Variants in SND1 observed in about 807,000 individuals in gnomAD.
SND1 encodes the protein staphylococcal nuclease domain-containing protein 1.
Under a neutral mutation model 121.7 loss-of-function variants are expected in SND1, and 38 were observed. That is an observed-to-expected ratio of 0.31 (90% confidence interval 0.24 to 0.41). The LOEUF (loss-of-function observed/expected upper bound fraction) is 0.41. Among genes scored for constraint, SND1 ranks in the 10% least tolerant of loss-of-function variants. The probability of loss-of-function intolerance (pLI) is 1.00; values close to 1 mark genes in which losing one functional copy is unlikely to be tolerated. For missense variants in SND1, 868 were observed against 1,184.6 expected (o/e 0.73, Z 3.92); for synonymous variants, 401 against 447.4 (o/e 0.90, Z 1.31).
chr7:127,942,467 C>G (rs374567177), intron 15 of SND1, among the ~76,000 whole-genome samples: 2 of 152,154 alleles, frequency 1.3e-5, no homozygotes, highest in Admixed American at 1.3e-4. Context: ...GATCATGGAT[C>G]TGTGACTGAA....
chr7:128,088,446 C>CTTTTT (rs1047161140), intron 21 of SND1, among the ~76,000 whole-genome samples: 12 of 80,156 alleles, frequency 1.5e-4, no homozygotes, highest in East Asian at 6.9e-4. Flanking sequence ...CCCTATCTCT[C>CTTTTT]TTTTTTTTTT....
intron 2 of SND1, among the ~76,000 whole-genome samples, chr7:127,693,236 C>A (rs2116321763): frequency 6.6e-6 from 1 of 152,026 alleles, no homozygotes; most frequent in East Asian, 1.9e-4. Flanking sequence ...TCATCAGACT[C>A]TTTGGTGACT....
At chr7:128,056,259 A>G (rs1793140011) in intron 16 of SND1, among the ~76,000 whole-genome samples, 1 of 152,156 alleles carries the variant, frequency 6.6e-6, no homozygotes, top group African/African-American at 2.4e-5. Flanking sequence ...AGCATTTATG[A>G]TCTATCCCCT....
At chr7:127,977,653 T>G (rs1802153481) in intron 15 of SND1, among the ~76,000 whole-genome samples, 1 of 152,150 alleles carries the variant, frequency 6.6e-6, no homozygotes, top group Non-Finnish European at 1.5e-5. Context: ...AATAGTAGAT[T>G]AAGCTGGTAG....
chr7:127,796,155 C>T (rs1563016424), intron 10 of SND1, among the ~76,000 whole-genome samples: 2 of 151,872 alleles, frequency 1.3e-5, no homozygotes, highest in African/African-American at 4.8e-5. Context: ...GATTAATGGA[C>T]TTATCTAGTA....
intron 16 of SND1, among the ~76,000 whole-genome samples, chr7:128,048,473 C>T (rs1792991321): frequency 6.6e-6 from 1 of 152,160 alleles, no homozygotes. Flanking sequence ...TCAATTTAGT[C>T]ACTTTTCTTA....
chr7:127,866,138 A>G (rs1799470645), intron 12 of SND1, among the ~76,000 whole-genome samples: 1 of 152,102 alleles, frequency 6.6e-6, no homozygotes, highest in African/African-American at 2.4e-5. Flanking sequence ...CTGTCAGATG[A>G]TTCTATTCCT....
chr7:127,818,102 T>C (rs988031803), intron 11 of SND1, among the ~76,000 whole-genome samples: 2 of 152,194 alleles, frequency 1.3e-5, no homozygotes, highest in African/African-American at 4.8e-5. Flanking sequence ...TTCCTCATAC[T>C]GTTATATAAT....
Position 127,700,698 on chromosome 7 carries a change from A to G in SND1, c.429-465A>G, listed in dbSNP as rs893517391. Among the ~76,000 whole-genome samples, 4 of 152,218 alleles carry G rather than the reference A, an allele frequency of 2.6e-5. No individual in the cohort carries two copies. The East Asian group carries it at 7.7e-4, about 29-fold the overall frequency. On this transcript the variant is annotated intron_variant, in intron 4 of 23. Transcript: ENST00000354725. The stretch of plus-strand genomic sequence containing the variant: ...GTGTAAGTAGTTGGGGGGTAACATT[A>G]TCTGTGATAGCAGTGTTCATTCCAC...
chr7:127,924,484 A>G (rs1046740424), intron 14 of SND1, among the ~76,000 whole-genome samples: 4 of 152,080 alleles, frequency 2.6e-5, no homozygotes, highest in Admixed American at 2.6e-4. Flanking sequence ...TTCTAGTTTC[A>G]TGCCTACTAT....
chr7:127,746,698 A>G (rs1401295154), intron 10 of SND1, among the ~76,000 whole-genome samples: 2 of 152,116 alleles, frequency 1.3e-5, no homozygotes. Context: ...CTTCCTATGA[A>G]CATTCATCTT....
intron 11 of SND1, among the ~76,000 whole-genome samples, chr7:127,836,209 G>T (rs1798866327): frequency 6.6e-6 from 1 of 152,132 alleles, no homozygotes; most frequent in Admixed American, 6.5e-5. Context: ...GTTGGGATAG[G>T]AGACTCATTT....
intron 15 of SND1, among the ~76,000 whole-genome samples, chr7:127,984,731 C>A: frequency 6.6e-6 from 1 of 152,152 alleles, no homozygotes; most frequent in East Asian, 1.9e-4. Context: ...AGTACCAGAT[C>A]CTCACAGATT....
At chr7:127,732,243 T>C (rs1468711429) in intron 10 of SND1, among the ~76,000 whole-genome samples, 1 of 152,274 alleles carries the variant, frequency 6.6e-6, no homozygotes, top group Non-Finnish European at 1.5e-5. Context: ...CCTGCTACTT[T>C]AGTTGTCATC....
chr7:127,895,534 ATGAG>A (rs1800102796), intron 13 of SND1, among the ~76,000 whole-genome samples: 1 of 152,090 alleles, frequency 6.6e-6, no homozygotes, highest in Admixed American at 6.6e-5. Context: ...TGTCACGATC[ATGAG>A]GTTGCTAACT....
chr7:128,083,052 G>A (rs983641827), intron 18 of SND1, among the ~76,000 whole-genome samples: 3 of 152,290 alleles, frequency 2.0e-5, no homozygotes, highest in Middle Eastern at 3.4e-3. Context: ...GTGGCTCCAT[G>A]GTATCCATGG....
At chr7:127,654,256 G>A (rs1795173746) in intron 1 of SND1, among the ~76,000 whole-genome samples, 1 of 152,172 alleles carries the variant, frequency 6.6e-6, no homozygotes, top group African/African-American at 2.4e-5. Context: ...GTCATGTCTT[G>A]TGCTGACTAT....
chr7:128,022,633 C>G (rs1373778372), intron 16 of SND1, among the ~76,000 whole-genome samples: 1 of 152,240 alleles, frequency 6.6e-6, no homozygotes, highest in Non-Finnish European at 1.5e-5. Context: ...ATATAACACT[C>G]TTCCTCTGGA....
chr7:128,032,261 C>T (rs1268120473), intron 16 of SND1, among the ~76,000 whole-genome samples: 3 of 151,482 alleles, frequency 2.0e-5, no homozygotes, highest in Non-Finnish European at 4.4e-5. Context: ...CGCCTCCGGC[C>T]GCCCGTCTTC....
Sources: gnomAD v4.1 joint callset for allele counts (sites outside exome capture counted in the v4.1 genomes callset) on GRCh38, gnomAD v4.1.1 for gene constraint, MANE v1.5 for transcripts, NCBI Gene and HGNC (gene_info 2026-07-23, HGNC 2026-07-21) for gene names.